ROBO2: variants seen among roughly 807,000 people sequenced by gnomAD.
ROBO2 encodes roundabout homolog 2.
Under a neutral mutation model 160.8 loss-of-function variants are expected in ROBO2, and 53 were observed. The observed-to-expected ratio is 0.33, with a 90% CI of 0.26 to 0.41. The LOEUF is 0.41. Ranked by LOEUF, ROBO2 falls within the 10% of genes least tolerant of loss-of-function variation. The pLI is 1.00. For missense variants in ROBO2, 1,577 were observed against 1,722.4 expected (o/e 0.92, Z 1.49); for synonymous variants, 664 against 611.7 (o/e 1.09, Z -1.26).
intron 2 of ROBO2, among the ~76,000 whole-genome samples, chr3:77,426,633 T>TGTGTGTGC (rs2078233614): frequency 6.7e-6 from 1 of 150,234 alleles, no homozygotes; most frequent in Non-Finnish European, 1.5e-5. Flanking sequence ...TGTGTGTGTG[T>TGTGTGTGC]GCATAAAACC....
chr3:76,661,516 C>T (rs2091818784), intron 2 of ROBO2, among the ~76,000 whole-genome samples: 1 of 152,038 alleles, frequency 6.6e-6, no homozygotes, highest in Admixed American at 6.6e-5. Flanking sequence ...GCAGAGATTA[C>T]AGGCAGACAT....
At chr3:77,321,346 A>G (rs2064677309) in intron 2 of ROBO2, among the ~76,000 whole-genome samples, 1 of 152,066 alleles carries the variant, frequency 6.6e-6, no homozygotes, top group African/African-American at 2.4e-5. Flanking sequence ...GGGAGACCCC[A>G]TCTCCACAAA....
chr3:77,119,852 G>C (rs1322537101), intron 2 of ROBO2, among the ~76,000 whole-genome samples: 1 of 152,210 alleles, frequency 6.6e-6, no homozygotes, highest in Non-Finnish European at 1.5e-5. Flanking sequence ...GATTTTTCAT[G>C]TGAGCACATT....
At chr3:77,259,383 GC>G (rs1184222389) in intron 2 of ROBO2, among the ~76,000 whole-genome samples, 2 of 152,112 alleles carry the variant, frequency 1.3e-5, no homozygotes, top group African/African-American at 2.4e-5. Flanking sequence ...ACCATGCCTG[GC>G]CCACAGTATA....
At chr3:77,388,920 G>T (rs1291241779) in intron 2 of ROBO2, among the ~76,000 whole-genome samples, 1 of 152,150 alleles carries the variant, frequency 6.6e-6, no homozygotes, top group African/African-American at 2.4e-5. Flanking sequence ...CGTCAGAGGG[G>T]TTTTTCTGAT....
At chr3:76,039,525 C>A (rs1406036809) in intron 2 of ROBO2, among the ~76,000 whole-genome samples, 1 of 151,780 alleles carries the variant, frequency 6.6e-6, no homozygotes, top group Non-Finnish European at 1.5e-5. Flanking sequence ...AAGAAAAAAA[C>A]CATTTAAAGA....
chr3:76,272,840 T>A (rs994672262), intron 2 of ROBO2, among the ~76,000 whole-genome samples: 36 of 2,850 alleles, frequency 0.013, no homozygotes, highest in East Asian at 0.054. Context: ...AATATATATA[T>A]TATATATTAT....
chr3:76,554,918 G>A (rs2083615475), intron 2 of ROBO2, among the ~76,000 whole-genome samples: 1 of 151,830 alleles, frequency 6.6e-6, no homozygotes, highest in Admixed American at 6.6e-5. Context: ...ACGTTCCCAA[G>A]GCATGAGTAT....
chr3:77,568,321 C>G (rs1235667746), exon 13 of ROBO2: 1 of 1,612,654 alleles, frequency 6.2e-7, no homozygotes, highest in South Asian at 1.1e-5. Flanking sequence ...AGATATCAGC[C>G]CACCAGCACA....
chr3:75,991,382 C>A (rs2065564168), intron 2 of ROBO2, among the ~76,000 whole-genome samples: 1 of 151,938 alleles, frequency 6.6e-6, no homozygotes, highest in African/African-American at 2.4e-5. Flanking sequence ...AGGGCTTTTC[C>A]ACACTGTTCT....
At position 76,220,285 on chromosome 3, in the gene ROBO2, G is replaced by A. The variant is rs182118159; in HGVS notation, c.109+282683G>A. On this transcript the variant is annotated intron_variant, in intron 2 of 26. Coordinates refer to the ROBO2 transcript ENST00000487694. ...TGGCACATGTATACATATGTAACAA[G>A]CCTGCACATTGTGCATATGTACCCT... Among the ~76,000 whole-genome samples the A allele has an allele frequency of 6.6e-3, 999 of 151,574 alleles. 8 individuals are homozygous for A. Among genetic ancestry groups the A allele is most frequent in the Middle Eastern group, 0.027 (8 of 294 alleles).
At chr3:76,342,847 GA>G (rs1038607582) in intron 2 of ROBO2, among the ~76,000 whole-genome samples, 2 of 151,956 alleles carry the variant, frequency 1.3e-5, no homozygotes, top group Admixed American at 6.6e-5. Flanking sequence ...TGTTTATAGG[GA>G]AAAAAACTGA....
rs143943194 is a variant in ROBO2, at chr3:76,070,635, C to T, written c.109+133033C>T. Among the ~76,000 whole-genome samples the T allele has an allele frequency of 7.3e-3, 1,105 of 152,224 alleles. 64 individuals are homozygous for T. In the East Asian group the frequency reaches 0.15, roughly 21 times the overall value. ...TTGATGTCTGTCACCCACACCTATTCGCACACTCCCTCCCCTTTTGAAAAT... is the reference window on the plus strand; with the variant it reads ...TTGATGTCTGTCACCCACACCTATTTGCACACTCCCTCCCCTTTTGAAAAT... On this transcript the variant is annotated intron_variant, in intron 2 of 26. Coordinates refer to the ROBO2 transcript ENST00000487694.
At chr3:76,498,511 T>C (rs2080276557) in intron 2 of ROBO2, among the ~76,000 whole-genome samples, 1 of 151,876 alleles carries the variant, frequency 6.6e-6, no homozygotes, top group African/African-American at 2.4e-5. Context: ...ATTAGCTGTA[T>C]TTAGAAATTA....
chr3:76,283,019 C>A (rs1230773784), intron 2 of ROBO2, among the ~76,000 whole-genome samples: 1 of 111,664 alleles, frequency 9.0e-6, no homozygotes. Context: ...TTTATTTTTT[C>A]TTTATTTTAA....
At chr3:77,333,652 T>C (rs1156681528) in intron 2 of ROBO2, among the ~76,000 whole-genome samples, 3 of 152,174 alleles carry the variant, frequency 2.0e-5, no homozygotes, top group Non-Finnish European at 2.9e-5. Context: ...TATGCCTAAA[T>C]TTTTACGAAT....
intron 1 of ROBO2, among the ~76,000 whole-genome samples, chr3:75,910,938 AAAT>A (rs1946550928): frequency 6.6e-6 from 1 of 151,862 alleles, no homozygotes; most frequent in Non-Finnish European, 1.5e-5. Flanking sequence ...TTAAAACCTT[AAAT>A]AATATTTAAA....
chr3:76,273,200 G>A (rs1382101045), intron 2 of ROBO2, among the ~76,000 whole-genome samples: 1 of 141,918 alleles, frequency 7.0e-6, no homozygotes, highest in Non-Finnish European at 1.5e-5. Context: ...AAGTGTTAGA[G>A]TTCTCCACTT....
intron 2 of ROBO2, among the ~76,000 whole-genome samples, chr3:75,989,030 T>C (rs1230377130): frequency 6.6e-6 from 1 of 152,166 alleles, no homozygotes; most frequent in African/African-American, 2.4e-5. Context: ...TTCACATTAA[T>C]ATATATGTTA....
Sources: gnomAD v4.1 joint callset for allele counts (sites outside exome capture counted in the v4.1 genomes callset) on GRCh38, gnomAD v4.1.1 for gene constraint, MANE v1.5 for transcripts, NCBI Gene and HGNC (gene_info 2026-07-23, HGNC 2026-07-21) for gene names.